Variants in CALHM5 observed in about 807,000 individuals in gnomAD.
CALHM5 encodes calcium homeostasis modulator protein 5.
In CALHM5, 17 loss-of-function variants were observed where a neutral mutation model predicts 20.9. That is an observed-to-expected ratio of 0.82 (90% confidence interval 0.56 to 1.22). The LOEUF (loss-of-function observed/expected upper bound fraction) is 1.22. Ranked by LOEUF, CALHM5 falls within the 50% of genes most tolerant of loss-of-function variation. CALHM5 has a pLI of 0.00. For synonymous variants in CALHM5, 148 were observed against 140.0 expected, an observed-to-expected ratio of 1.06 and a Z score of -0.40; for missense variants, 360 against 364.6, an observed-to-expected ratio of 0.99 and a Z score of 0.10.
Position 116,518,998 on chromosome 6 carries a change from T to C in CALHM5, c.*3009T>C, listed in dbSNP as rs1238125765. ...AATAAAACAAGTCCAAGAAAACTTA[T>C]CTGTCCCACAAATAGTCCTGGAGGC... On this transcript the variant is annotated 3_prime_UTR_variant, in exon 2 of 2. Coordinates refer to ENST00000368599, the MANE Select transcript of CALHM5 (RefSeq NM_153711.5). The C allele has an allele frequency of 6.6e-6, 1 of 152,220 alleles. No individual in the cohort carries two copies. Among genetic ancestry groups the C allele is most frequent in the African/African-American group, 2.4e-5 (1 of 41,460 alleles). 9.4% of individuals were successfully genotyped at this position (152,220 alleles called of 1,614,324 possible). A position where few individuals can be genotyped will look rare whatever the true frequency, so the allele number is the denominator to read the frequency against.
chr6:116,518,698 G>T lies in CALHM5; in HGVS notation c.*2709G>T, dbSNP rs948392205. 2 of 152,202 alleles carry T rather than the reference G, an allele frequency of 1.3e-5. No homozygotes were observed. Among genetic ancestry groups the T allele is most frequent in the African/African-American group, 4.8e-5 (2 of 41,448 alleles). The allele number at this position is 152,202 out of a possible 1,614,324, so 9.4% of individuals were successfully genotyped here. ...TGAAACAGAAGTTCTACAGAAGTAG[G>T]TTAGCTGTAAGGAGCTGAGGATTGA... On this transcript the variant is annotated 3_prime_UTR_variant, in exon 2 of 2. Coordinates refer to ENST00000368599, the MANE Select transcript of CALHM5 (RefSeq NM_153711.5).
intron 1 of CALHM5, among the ~76,000 whole-genome samples, chr6:116,514,874 C>T (rs567819157): frequency 3.3e-4 from 50 of 152,222 alleles, no homozygotes; most frequent in South Asian, 1.5e-3. Context: ...GTTAGTTTTC[C>T]AAACATAAAA....
rs1335292434 is a variant in CALHM5, at chr6:116,520,824, GA to G, written c.*4841del. On this transcript the variant is annotated 3_prime_UTR_variant, in exon 2 of 2. Coordinates refer to ENST00000368599, the MANE Select transcript of CALHM5 (RefSeq NM_153711.5). ...AAAAATTTAAAAACTGGCTCTCCAG[GA>G]AAAAAGAGACATCCTAATATGATGT... 1.3e-5 allele frequency: 2 copies of G among 151,814 alleles called. No individual in the cohort carries two copies. Among genetic ancestry groups the G allele is most frequent in the Non-Finnish European group, 2.9e-5 (2 of 67,954 alleles). 9.4% of individuals were successfully genotyped at this position (151,814 alleles called of 1,614,324 possible).
In CALHM5 at chr6:116,511,747, T is replaced by TA; in HGVS notation, c.52dup (p.Ile18AsnfsTer14). On this transcript the variant is annotated frameshift_variant, in exon 1 of 2. Coordinates refer to ENST00000368599, the MANE Select transcript of CALHM5 (RefSeq NM_153711.5). LOFTEE classifies it high-confidence loss of function. ...AATTCTTCCTTAATCAGAAAACTGTTATTGGCTACAGCTTCATGGCTCTGC... is the reference window on the plus strand; with the variant it reads ...AATTCTTCCTTAATCAGAAAACTGTTAATTGGCTACAGCTTCATGGCTCTGC... The TA allele has an allele frequency of 1.2e-6, 2 of 1,613,998 alleles. No homozygotes were observed. Among genetic ancestry groups the TA allele is most frequent in the Non-Finnish European group, 1.7e-6 (2 of 1,179,960 alleles).
At position 116,511,826 on chromosome 6, in the gene CALHM5, A is replaced by C. The variant is rs748201414; in HGVS notation, c.130A>C (p.Ser44Arg). ...TGTTGTGGCTTTTAAGTGCCCCTGC[A>C]GCACTGAGAATATGACCTATGGGCT... is the stretch of plus-strand genomic sequence containing the variant. ...FSVVAFKCPC[S>R]TENMTYGLVF... Residue 44 changes from serine (S) to arginine (R), a missense_variant, in exon 1 of 2, where the codon AGC (serine) becomes CGC (arginine). Transcript: ENST00000368599. 10 of 1,614,078 alleles carry C rather than the reference A, an allele frequency of 6.2e-6. No individual in the cohort carries two copies. The highest frequency in any genetic ancestry group is 8.5e-6 in the Non-Finnish European group (10 of 1,179,996).
chr6:116,512,187 T>C lies in CALHM5; in HGVS notation c.491T>C (p.Leu164Pro). ...HKVSCGKTSM[L>P]PTVNEELKLS... ...GTATCTTGTGGCAAAACTAGCATGC[T>C]ACCTACCGTCAATGAAGAACTGAAA... Residue 164 changes from leucine to proline, a missense_variant, in exon 1 of 2, where the codon CTA (leucine) becomes CCA (proline). Transcript: ENST00000368599. 4 of 1,609,554 alleles carry C rather than the reference T, an allele frequency of 2.5e-6. No individual in the cohort carries two copies. In the African/African-American group the frequency reaches 4.0e-5, roughly 16 times the overall value.
At chr6:116,514,207 G>A (rs1461085918) in intron 1 of CALHM5, among the ~76,000 whole-genome samples, 2 of 152,142 alleles carry the variant, frequency 1.3e-5, no homozygotes, top group African/African-American at 4.8e-5. Flanking sequence ...GTGAAAGGGG[G>A]AAGGGGACCT....
Position 116,512,402 on chromosome 6 carries a change from GCTGGGTGGCTCAATAAAGTTGCTGA to G in CALHM5, c.540+171_540+195del, listed in dbSNP as rs1045214950. 8 of 760,874 alleles carry G rather than the reference GCTGGGTGGCTCAATAAAGTTGCTGA, an allele frequency of 1.1e-5. No individual in the cohort carries two copies. In the African/African-American group the frequency reaches 1.2e-4, roughly 12 times the overall value. The allele number at this position is 760,874 out of a possible 1,614,324, so 47.1% of individuals were successfully genotyped here. On this transcript the variant is annotated intron_variant, in intron 1 of 1. Coordinates refer to ENST00000368599, the MANE Select transcript of CALHM5 (RefSeq NM_153711.5). ...CTATCTCAGGAAAAGCTTTTGAAAG[GCTGGGTGGCTCAATAAAGTTGCTGA>G]CTGGATTATCTCTTTTCCGGTTCTG...
intron 1 of CALHM5, among the ~76,000 whole-genome samples, chr6:116,514,059 G>A (rs138917633): frequency 3.7e-4 from 57 of 152,202 alleles, no homozygotes; most frequent in African/African-American, 1.3e-3. Context: ...AAGTCAATGA[G>A]GAAAACTGCC....
rs2115172038 is a variant in CALHM5, at chr6:116,519,206, A to G, written c.*3217A>G. On this transcript the variant is annotated 3_prime_UTR_variant, in exon 2 of 2. Transcript: ENST00000368599. ...TGACACAGGGAGCTGTGTATACATGATTTATTAAAAGGAAATCCTCTTAGG... is the reference window on the plus strand; with the variant it reads ...TGACACAGGGAGCTGTGTATACATGGTTTATTAAAAGGAAATCCTCTTAGG... The G allele has an allele frequency of 6.6e-6, 1 of 152,326 alleles. No individual in the cohort carries two copies. Among genetic ancestry groups the G allele is most frequent in the Non-Finnish European group, 1.5e-5 (1 of 68,022 alleles). The allele number at this position is 152,326 out of a possible 1,614,324, so 9.4% of individuals were successfully genotyped here.
rs1333623870 is a variant in CALHM5 at position 116,521,052 on chromosome 6, A to C, written c.*5063A>C. The C allele has an allele frequency of 6.6e-6, 1 of 152,030 alleles. No homozygotes were observed. Among genetic ancestry groups the C allele is most frequent in the Non-Finnish European group, 1.5e-5 (1 of 68,032 alleles). The allele number at this position is 152,030 out of a possible 1,614,324, so 9.4% of individuals were successfully genotyped here. On this transcript the variant is annotated 3_prime_UTR_variant, in exon 2 of 2. Coordinates refer to ENST00000368599, the MANE Select transcript of CALHM5 (RefSeq NM_153711.5). ...TCCAGAGAAACAGAACCAACAGTAC[A>C]ACAGTATATATACATACATACATAT...
chr6:116,514,780 T>C (rs1772189682), intron 1 of CALHM5, among the ~76,000 whole-genome samples: 1 of 152,218 alleles, frequency 6.6e-6, no homozygotes, highest in African/African-American at 2.4e-5. Context: ...TGTAGATTAT[T>C]ATTTCTATTT....
rs1219650164 is a variant in CALHM5, at chr6:116,524,454, A to G, written c.*8465A>G. 6.6e-6 allele frequency: 1 copy of G among 151,080 alleles called. No homozygotes were observed. The highest frequency in any genetic ancestry group is 1.5e-5 in the Non-Finnish European group (1 of 67,108). 9.4% of individuals were successfully genotyped at this position (151,080 alleles called of 1,614,324 possible). ...CTATTCTCTGAATTCTTACATATTC[A>G]GCCTGTTGGCCTGTTCTCGAATTGA... On this transcript the variant is annotated 3_prime_UTR_variant, in exon 2 of 2. Coordinates refer to ENST00000368599, the MANE Select transcript of CALHM5 (RefSeq NM_153711.5).
intron 1 of CALHM5, among the ~76,000 whole-genome samples, chr6:116,513,095 A>G (rs1772156473): frequency 6.6e-6 from 1 of 152,172 alleles, no homozygotes; most frequent in Non-Finnish European, 1.5e-5. Flanking sequence ...AAGCAAAACA[A>G]GTGGTAAGAG....
chr6:116,511,949 A>G lies in CALHM5; in HGVS notation c.253A>G (p.Arg85Gly), dbSNP rs1278005573. Residue 85 changes from arginine to glycine, a missense_variant, in exon 1 of 2, where the codon AGG becomes GGG. By Grantham distance (125) the Arg-to-Gly change is moderately radical. Coordinates refer to ENST00000368599, the MANE Select transcript of CALHM5 (RefSeq NM_153711.5). ...CTTCACAGGCTGCTGTGTGAATCCCAGGAAAATCTTTCCCAGAGGCCACAG... is the reference window on the plus strand; with the variant it reads ...CTTCACAGGCTGCTGTGTGAATCCCGGGAAAATCTTTCCCAGAGGCCACAG... ...RLFTGCCVNP[R>G]KIFPRGHSCR... 6.2e-7 allele frequency: 1 copy of G among 1,614,018 alleles called. No homozygotes were observed. The highest frequency in any genetic ancestry group is 8.5e-7 in the Non-Finnish European group (1 of 1,180,006).
rs1772222874 is a variant in CALHM5 at position 116,516,283 on chromosome 6, G to A, written c.*294G>A. 7.6e-6 allele frequency: 2 copies of A among 263,268 alleles called. No individual in the cohort carries two copies. Among genetic ancestry groups the A allele is most frequent in the African/African-American group, 4.4e-5 (2 of 45,426 alleles). 16.3% of individuals were successfully genotyped at this position (263,268 alleles called of 1,614,324 possible). A position where few individuals can be genotyped will look rare whatever the true frequency, so the allele number is the denominator to read the frequency against. ...ATTCAACAGACAGACTCATGTGAGAGGGCTCATCAGTCTCTGTAAATATTG... is the reference window on the plus strand; with the variant it reads ...ATTCAACAGACAGACTCATGTGAGAAGGCTCATCAGTCTCTGTAAATATTG... On this transcript the variant is annotated 3_prime_UTR_variant, in exon 2 of 2. Transcript: ENST00000368599.
rs1227904690 is a variant in CALHM5, at chr6:116,519,594, G to A, written c.*3605G>A. Reference sequence around the variant, plus strand: ...GTCTAGACTTGAAGCATATGGAAGGGTCCTTGGGCTAGAGCCAACCCAAGC... The same window carrying A: ...GTCTAGACTTGAAGCATATGGAAGGATCCTTGGGCTAGAGCCAACCCAAGC... On this transcript the variant is annotated 3_prime_UTR_variant, in exon 2 of 2. Coordinates refer to ENST00000368599, the MANE Select transcript of CALHM5 (RefSeq NM_153711.5). 4 of 152,182 alleles carry A rather than the reference G, an allele frequency of 2.6e-5. No homozygotes were observed. The highest frequency in any genetic ancestry group is 9.7e-5 in the African/African-American group (4 of 41,430). 9.4% of individuals were successfully genotyped at this position (152,182 alleles called of 1,614,324 possible).
chr6:116,512,250 A>T lies in CALHM5; in HGVS notation c.540+14A>T. The T allele has an allele frequency of 6.3e-7, 1 of 1,579,650 alleles. No homozygotes were observed. Among genetic ancestry groups the T allele is most frequent in the Non-Finnish European group, 8.6e-7 (1 of 1,166,146 alleles). On this transcript the variant is annotated intron_variant, in intron 1 of 1. Transcript: ENST00000368599. Reference sequence around the variant, plus strand: ...GCCCAGTCTCAGGTAAGAAAAGACAAACTCGCCTTTTTCTCTCAGCATGAG... The same window carrying T: ...GCCCAGTCTCAGGTAAGAAAAGACATACTCGCCTTTTTCTCTCAGCATGAG...
intron 1 of CALHM5, among the ~76,000 whole-genome samples, chr6:116,512,661 T>A (rs920787587): frequency 1.3e-5 from 2 of 152,254 alleles, no homozygotes; most frequent in Non-Finnish European, 2.9e-5. Context: ...TCTATTAAAA[T>A]GTAGCTGAAT....
Sources: gnomAD v4.1 joint callset for allele counts (sites outside exome capture counted in the v4.1 genomes callset) on GRCh38, gnomAD v4.1.1 for gene constraint, MANE v1.5 for transcripts, NCBI Gene and HGNC (gene_info 2026-07-23, HGNC 2026-07-21) for gene names.